Variants in MTCL1 observed in about 807,000 individuals in gnomAD.
MTCL1 encodes the protein microtubule cross-linking factor 1.
In MTCL1, 79 loss-of-function variants were observed where a neutral mutation model predicts 141.4. The observed-to-expected ratio is 0.56, with a 90% CI of 0.47 to 0.67. MTCL1 has a LOEUF of 0.67. Among genes scored for constraint, MTCL1 ranks in the 30% least tolerant of loss-of-function variants. The pLI is 0.00. For synonymous variants in MTCL1, 914 were observed against 875.8 expected (o/e 1.04, Z -0.77); for missense variants, 2,177 against 2,113.9 (o/e 1.03, Z -0.59).
intron 4 of MTCL1, among the ~76,000 whole-genome samples, chr18:8,758,020 CTTTT>C (rs1162855433): frequency 1.6e-5 from 2 of 126,894 alleles, no homozygotes; most frequent in African/African-American, 2.9e-5. Flanking sequence ...AGCACCCAGT[CTTTT>C]TTTTTTTTTT....
At chr18:8,719,745 A>AT (rs34668216) in intron 3 of MTCL1, among the ~76,000 whole-genome samples, 1 of 151,852 alleles carries the variant, frequency 6.6e-6, no homozygotes, top group Admixed American at 6.6e-5. Context: ...TATTTTTATA[A>AT]TTTTTTTAGA....
At chr18:8,789,795 T>G (rs1384019955) in intron 7 of MTCL1, 2 of 789,914 alleles carry the variant, frequency 2.5e-6, no homozygotes, top group Non-Finnish European at 3.1e-6. Flanking sequence ...AAATATTTAT[T>G]TTTTTAGAAG....
rs2096525773 is a variant in MTCL1, at chr18:8,779,571, G to T, written c.417+1679G>T. On this transcript the variant is annotated intron_variant, in intron 5 of 16. Transcript: ENST00000359865. This position sits in a 1 kb window ranked among gnomAD's most constrained non-coding sequence, Gnocchi z 4.1. ...AACAGGCCGAGCTCAGCTTCCCTCA[G>T]GCCGCCCCTCTCCTGTACACAACAC... Among the ~76,000 whole-genome samples the T allele has an allele frequency of 6.6e-6, 1 of 152,124 alleles. No homozygotes were observed. Among genetic ancestry groups the T allele is most frequent in the African/African-American group, 2.4e-5 (1 of 41,428 alleles).
intron 4 of MTCL1, among the ~76,000 whole-genome samples, chr18:8,757,361 A>G (rs2096407122): frequency 6.6e-6 from 1 of 152,236 alleles, no homozygotes; most frequent in African/African-American, 2.4e-5. Flanking sequence ...TTGCCAGATC[A>G]GGAGTAGCCG....
intron 4 of MTCL1, among the ~76,000 whole-genome samples, chr18:8,743,539 CA>C (rs1227880032): frequency 6.6e-6 from 1 of 152,244 alleles, no homozygotes; most frequent in Admixed American, 6.5e-5. Context: ...AAGTTTTCTG[CA>C]AGACTGTGTT....
At chr18:8,736,968 A>G (rs369334847) in intron 4 of MTCL1, among the ~76,000 whole-genome samples, 103 of 152,304 alleles carry the variant, frequency 6.8e-4, no homozygotes, top group Middle Eastern at 3.4e-3. Flanking sequence ...GTTCCCTTGG[A>G]TAAGCCCTAT....
In MTCL1 at chr18:8,720,511, TG is replaced by T; in HGVS notation, c.357+20del. 1 of 1,611,980 alleles carries T rather than the reference TG, an allele frequency of 6.2e-7. No individual in the cohort carries two copies. Among genetic ancestry groups the T allele is most frequent in the Non-Finnish European group, 8.5e-7 (1 of 1,178,668 alleles). ...GACTGAAAGAGGTAATCCAAAACTG[TG>T]GGGGTCCTGCCCCCTTGGATTTAAT... On this transcript the variant is annotated intron_variant, in intron 4 of 16. Coordinates refer to ENST00000359865, the Ensembl canonical transcript of MTCL1.
intron 11 of MTCL1, among the ~76,000 whole-genome samples, chr18:8,808,244 A>C (rs180944570): frequency 6.6e-6 from 1 of 152,354 alleles, no homozygotes; most frequent in East Asian, 1.9e-4. Context: ...CAGCATCAGC[A>C]GCGGAGGAGA....
intron 4 of MTCL1, among the ~76,000 whole-genome samples, chr18:8,772,580 T>C (rs1199481448): frequency 6.6e-6 from 1 of 150,940 alleles, no homozygotes; most frequent in Non-Finnish European, 1.5e-5. Flanking sequence ...TATATGTATA[T>C]ATGTTATATA....
intron 4 of MTCL1, among the ~76,000 whole-genome samples, chr18:8,723,365 A>T (rs2096185935): frequency 1.3e-5 from 2 of 152,264 alleles, no homozygotes; most frequent in Admixed American, 1.3e-4. Flanking sequence ...GGTGAGGATA[A>T]TATTTTTTCT....
At chr18:8,762,952 G>A (rs779144377) in intron 4 of MTCL1, among the ~76,000 whole-genome samples, 14 of 152,152 alleles carry the variant, frequency 9.2e-5, no homozygotes, top group Admixed American at 2.6e-4. Context: ...TTATCTTTCC[G>A]TTTCTGTGTA....
At chr18:8,809,850 C>A (rs563233161) in intron 11 of MTCL1, 12 of 462,634 alleles carry the variant, frequency 2.6e-5, no homozygotes, top group African/African-American at 1.8e-4. Flanking sequence ...AAGGGCTGGG[C>A]TGAAGATGTA....
intron 16 of MTCL1, chr18:8,829,638 C>T: frequency 1.0e-6 from 1 of 985,330 alleles, no homozygotes; most frequent in African/African-American, 1.7e-5. Flanking sequence ...AGGATATAGT[C>T]ATCCACCCAC....
At chr18:8,727,852 T>TTCTC (rs71297365) in intron 4 of MTCL1, among the ~76,000 whole-genome samples, 1 of 135,384 alleles carries the variant, frequency 7.4e-6, no homozygotes, top group Non-Finnish European at 1.5e-5. Flanking sequence ...TGCTTGCTCC[T>TTCTC]TCTCTCTCTC....
intron 4 of MTCL1, among the ~76,000 whole-genome samples, chr18:8,739,295 T>G (rs2096289502): frequency 6.6e-6 from 1 of 152,102 alleles, no homozygotes. Context: ...TGCTCAGGGG[T>G]GAGGATACTA....
At chr18:8,806,931 C>T in exon 11 of MTCL1, 1 of 1,613,742 alleles carries the variant, frequency 6.2e-7, no homozygotes, top group Non-Finnish European at 8.5e-7. Context: ...CCTTCAAGGC[C>T]TTGCTGGAGG....
At chr18:8,806,917 A>G (rs373451225) in exon 11 of MTCL1, 1 of 1,613,538 alleles carries the variant, frequency 6.2e-7, no homozygotes, top group Non-Finnish European at 8.5e-7. Flanking sequence ...GCAGCTGTTC[A>G]GCGCCTTCAA....
rs190007050 is a variant in MTCL1 at position 8,758,128 on chromosome 18, G to A, written c.358-19705G>A. 2.8e-3 allele frequency among the ~76,000 whole-genome samples: 423 copies of A among 151,548 alleles called. 3 individuals carry two copies. Among genetic ancestry groups the A allele is most frequent in the Non-Finnish European group, 4.6e-3 (313 of 67,912 alleles). On this transcript the variant is annotated intron_variant, in intron 4 of 16. Coordinates refer to ENST00000359865, the Ensembl canonical transcript of MTCL1. ...CAACCTCCACCTCCCGGGTTCAAGCGATTCTCTTGTCTCAGCCTCCGAGTA... is the reference window on the plus strand; with the variant it reads ...CAACCTCCACCTCCCGGGTTCAAGCAATTCTCTTGTCTCAGCCTCCGAGTA...
intron 10 of MTCL1, chr18:8,800,352 T>A (rs2076077988): frequency 6.6e-6 from 1 of 152,204 alleles, no homozygotes; most frequent in Non-Finnish European, 1.5e-5. Flanking sequence ...ACAGTATTCC[T>A]CAGGCCTTGG....
Sources: gnomAD v4.1 joint callset for allele counts (sites outside exome capture counted in the v4.1 genomes callset) on GRCh38, gnomAD v4.1.1 for gene constraint, Gnocchi (gnomAD v3.1) non-coding constraint, MANE v1.5 for transcripts, NCBI Gene and HGNC (gene_info 2026-07-23, HGNC 2026-07-21) for gene names.